The following ATP9A variants were observed in gnomAD, a reference collection of about 807,000 sequenced individuals.
ATP9A encodes the protein ATPase phospholipid transporting 9A.
A neutral mutation model predicts 144.1 loss-of-function variants in ATP9A; 52 were observed. The observed-to-expected ratio is 0.36, with a 90% CI of 0.29 to 0.45. ATP9A has a LOEUF of 0.45. ATP9A is among the 20% of genes least tolerant of loss of function. The pLI, the probability that ATP9A is intolerant of heterozygous loss-of-function variation, is 1.00. For missense variants in ATP9A, 947 were observed against 1,392.7 expected (o/e 0.68, Z 5.09); for synonymous variants, 582 against 557.4 (o/e 1.04, Z -0.62).
At chr20:51,671,374 A>G (rs992369106) in intron 11 of ATP9A, 117 bp from the exon 12 acceptor site, 1 of 1,244,266 alleles carries the variant, frequency 8.0e-7, no homozygotes, top group Admixed American at 2.2e-5. Flanking sequence ...CTCCCTGCAG[A>G]AGCACACTGC....
intron 3 of ATP9A, among the ~76,000 whole-genome samples, chr20:51,719,025 G>A (rs1455785948): frequency 6.6e-6 from 1 of 150,970 alleles, no homozygotes; most frequent in African/African-American, 2.4e-5. Flanking sequence ...CTACTCAAGA[G>A]GCTGCGGCAG....
chr20:51,667,133 G>A (rs1334082634), intron 13 of ATP9A, among the ~76,000 whole-genome samples: 1 of 152,220 alleles, frequency 6.6e-6, no homozygotes, highest in Non-Finnish European at 1.5e-5. Flanking sequence ...CCCTAAGGAA[G>A]GAGTATGAGG....
intron 3 of ATP9A, among the ~76,000 whole-genome samples, chr20:51,722,172 T>C (rs2077692392): frequency 6.6e-6 from 1 of 152,180 alleles, no homozygotes; most frequent in Non-Finnish European, 1.5e-5. Flanking sequence ...TCATCTCTCA[T>C]CTTATACAAA....
intron 21 of ATP9A, 27 bp from the exon 22 acceptor site, chr20:51,617,581 A>C (rs763179661): frequency 3.5e-5 from 57 of 1,606,054 alleles, no homozygotes; most frequent in Non-Finnish European, 4.5e-5. Flanking sequence ...CCAGAGAGAA[A>C]AGATGTTTCA....
In ATP9A at chr20:51,617,476, G is replaced by A. The variant is rs888537008; in HGVS notation, c.2415+14C>T. ...CTACAGCAAGTGGAGCCGAGCAGAG[G>A]GAAACACTCTCACCTTTCCTTCCAC... On this transcript the variant is annotated intron_variant, in intron 22 of 27. Transcript: ENST00000338821. The A allele has an allele frequency of 1.1e-5, 18 of 1,606,512 alleles. No homozygotes were observed. The highest frequency in any genetic ancestry group is 1.5e-5 in the Non-Finnish European group (18 of 1,176,468).
intron 14 of ATP9A, among the ~76,000 whole-genome samples, chr20:51,651,754 C>A (rs2077367670): frequency 1.3e-5 from 2 of 151,822 alleles, no homozygotes; most frequent in African/African-American, 4.8e-5. Flanking sequence ...CATGGTGAAA[C>A]CCTGTCTCTA....
intron 1 of ATP9A, among the ~76,000 whole-genome samples, chr20:51,765,184 C>A (rs1023276885): frequency 9.2e-5 from 14 of 152,158 alleles, no homozygotes; most frequent in Non-Finnish European, 1.5e-5. Flanking sequence ...CATCCCCCAG[C>A]CCCTAGTTCT....
chr20:51,649,774 C>T (rs1216776129), intron 14 of ATP9A, among the ~76,000 whole-genome samples: 9 of 151,794 alleles, frequency 5.9e-5, no homozygotes, highest in Admixed American at 2.0e-4. Context: ...ATTAGCCGGG[C>T]GTGGTGGTAG....
At chr20:51,751,261 GTT>G (rs201983884) in intron 1 of ATP9A, among the ~76,000 whole-genome samples, 32 of 115,504 alleles carry the variant, frequency 2.8e-4, no homozygotes, top group African/African-American at 7.2e-4. Context: ...GGTTTTTTTT[GTT>G]TTTTTTTTTT....
intron 13 of ATP9A, among the ~76,000 whole-genome samples, chr20:51,664,870 C>T (rs1402285432): frequency 2.0e-5 from 3 of 150,804 alleles, no homozygotes; most frequent in Non-Finnish European, 4.4e-5. Flanking sequence ...CAGGTGCCCG[C>T]CACCACCCCC....
In ATP9A at chr20:51,642,688, T is replaced by C. The variant is rs182244297; in HGVS notation, c.1507-3184A>G. ...CTACAGTAAGCTGAAACCATGCCAC[T>C]GCACTCTAGCCTGGGTGACTGAGTG... On this transcript the variant is annotated intron_variant, in intron 14 of 27. Transcript: ENST00000338821. Among the ~76,000 whole-genome samples, 355 of 119,154 alleles carry C rather than the reference T, an allele frequency of 3.0e-3. 10 individuals carry two copies. In the Admixed American group the frequency reaches 0.039, roughly 13 times the overall value. The allele number at this position is 119,154 out of a possible 152,430, so 78.2% of individuals were successfully genotyped here.
intron 4 of ATP9A, among the ~76,000 whole-genome samples, chr20:51,707,363 T>C (rs569690713): frequency 1.3e-5 from 2 of 152,194 alleles, no homozygotes; most frequent in East Asian, 3.9e-4. Flanking sequence ...TGGACTCCCA[T>C]CACCCCTGGC....
intron 14 of ATP9A, among the ~76,000 whole-genome samples, chr20:51,650,427 G>A (rs1056405253): frequency 4.6e-5 from 7 of 151,722 alleles, no homozygotes; most frequent in Non-Finnish European, 8.8e-5. Flanking sequence ...CCAGCTGCTC[G>A]GGAGGCCGAG....
At chr20:51,692,271 C>A (rs1223073595) in intron 7 of ATP9A, among the ~76,000 whole-genome samples, 1 of 152,164 alleles carries the variant, frequency 6.6e-6, no homozygotes, top group South Asian at 2.1e-4. Context: ...TATTTTAGCA[C>A]AATTTTTTAA....
At chr20:51,733,345 A>G (rs1014163205) in intron 1 of ATP9A, among the ~76,000 whole-genome samples, 2 of 152,078 alleles carry the variant, frequency 1.3e-5, no homozygotes, top group Non-Finnish European at 2.9e-5. Flanking sequence ...AGACACCAAT[A>G]GATTCAGTAT....
chr20:51,690,846 G>A lies in ATP9A; in HGVS notation c.643-27C>T, dbSNP rs1202814255. 3.1e-6 allele frequency: 5 copies of A among 1,593,780 alleles called. No individual in the cohort carries two copies. The African/African-American group carries it at 4.0e-5, about 13-fold the overall frequency. On this transcript the variant is annotated intron_variant, in intron 7 of 27. Coordinates refer to ENST00000338821, the MANE Select transcript of ATP9A (RefSeq NM_006045.3). The stretch of plus-strand genomic sequence containing the variant: ...TGTTCAACAGAAGGCACATTCGGGA[G>A]TCAAAGTCAGTTCACAATGCAAGAC...
chr20:51,739,667 A>G (rs901889344), intron 1 of ATP9A, among the ~76,000 whole-genome samples: 4 of 152,096 alleles, frequency 2.6e-5, no homozygotes, highest in Admixed American at 2.0e-4. Context: ...GCTGAGCCCA[A>G]TCCCATCTCT....
At chr20:51,681,972 G>C (rs2077501807) in intron 9 of ATP9A, among the ~76,000 whole-genome samples, 1 of 152,124 alleles carries the variant, frequency 6.6e-6, no homozygotes, top group South Asian at 2.1e-4. Context: ...CCCTTGGGCA[G>C]GTGTGGGGCA....
chr20:51,684,997 C>A, intron 9 of ATP9A, among the ~76,000 whole-genome samples: 1 of 143,212 alleles, frequency 7.0e-6, no homozygotes, highest in Non-Finnish European at 1.5e-5. Context: ...GACCACTGAG[C>A]GAGACTCCAT....
Sources: allele counts gnomAD v4.1 joint callset (sites outside exome capture counted in the v4.1 genomes callset), GRCh38; gene constraint gnomAD v4.1.1; transcripts MANE v1.5; gene names NCBI Gene and HGNC (gene_info 2026-07-23, HGNC 2026-07-21).